The following IQCM variants were observed in gnomAD, a reference collection of about 807,000 sequenced individuals.
The protein encoded by IQCM is IQ motif containing M.
In IQCM, 45 loss-of-function variants were observed where a neutral mutation model predicts 57.6. The observed-to-expected ratio is 0.78, with a 90% confidence interval of 0.62 to 1.00. The LOEUF is 1.00. IQCM is among the 50% of genes least tolerant of loss of function. IQCM has a pLI of 0.00. For missense variants in IQCM, 468 were observed against 511.6 expected, an observed-to-expected ratio of 0.91 and a Z score of 0.82; for synonymous variants, 148 against 158.9, an observed-to-expected ratio of 0.93 and a Z score of 0.51.
At chr4:149,578,586 C>G (rs1751876959) in intron 9 of IQCM, among the ~76,000 whole-genome samples, 1 of 151,754 alleles carries the variant, frequency 6.6e-6, no homozygotes, top group Admixed American at 6.6e-5. Context: ...TGGAGAAGAG[C>G]TGACTCTACC....
At chr4:149,466,382 G>A (rs1177154393) in intron 12 of IQCM, among the ~76,000 whole-genome samples, 1 of 152,142 alleles carries the variant, frequency 6.6e-6, no homozygotes, top group African/African-American at 2.4e-5. Flanking sequence ...TCTGATAAGG[G>A]GAGATTCCTG....
rs182519448 is a variant in IQCM at position 149,546,126 on chromosome 4, T to C, written c.1228+2329A>G. ...GAATGATGGTTTCCAGCTTCAACCA[T>C]GTCCCTACAAAGGACATGAACTCAT... On this transcript the variant is annotated intron_variant, in intron 12 of 13. Transcript: ENST00000636793. 4.6e-5 allele frequency among the ~76,000 whole-genome samples: 7 copies of C among 152,310 alleles called. No homozygotes were observed. The East Asian group carries it at 1.3e-3, about 29-fold the overall frequency.
chr4:149,556,458 T>C (rs1243194576), intron 10 of IQCM, among the ~76,000 whole-genome samples: 1 of 152,168 alleles, frequency 6.6e-6, no homozygotes, highest in Non-Finnish European at 1.5e-5. Context: ...TTTCAGCAAT[T>C]ATTTTGCCAG....
chr4:149,623,718 G>GGTGTGTGT (rs3057342), intron 7 of IQCM, among the ~76,000 whole-genome samples: 189 of 146,064 alleles, frequency 1.3e-3, no homozygotes, highest in African/African-American at 4.1e-3. Flanking sequence ...CTGAATCCCA[G>GGTGTGTGT]GTGTGTGTGT....
chr4:149,784,158 C>T (rs2150015357), intron 2 of IQCM, among the ~76,000 whole-genome samples: 1 of 152,246 alleles, frequency 6.6e-6, no homozygotes, highest in East Asian at 1.9e-4. Context: ...AATGGCTTTC[C>T]GTCTTACTCA....
At chr4:149,526,460 TATC>T (rs1452537713) in intron 12 of IQCM, among the ~76,000 whole-genome samples, 3 of 152,008 alleles carry the variant, frequency 2.0e-5, no homozygotes, top group Non-Finnish European at 2.9e-5. Context: ...ATATTATTTA[TATC>T]ATCAAAAAAG....
At chr4:149,527,105 T>C (rs904187348) in intron 12 of IQCM, among the ~76,000 whole-genome samples, 3 of 152,188 alleles carry the variant, frequency 2.0e-5, no homozygotes, top group African/African-American at 7.2e-5. Flanking sequence ...CAACTTGCTA[T>C]AAAAATATCA....
At chr4:149,756,410 A>T (rs1768967438) in intron 2 of IQCM, among the ~76,000 whole-genome samples, 1 of 152,220 alleles carries the variant, frequency 6.6e-6, no homozygotes, top group South Asian at 2.1e-4. Flanking sequence ...AAAATTCTAA[A>T]TCAATCTAAA....
chr4:149,741,232 T>G (rs17026405), intron 3 of IQCM, among the ~76,000 whole-genome samples: 1 of 152,130 alleles, frequency 6.6e-6, no homozygotes. Context: ...CTTACTGACT[T>G]ACTTTCCCCC....
At chr4:149,737,624 G>T (rs1767063781) in intron 3 of IQCM, 2 of 152,180 alleles carry the variant, frequency 1.3e-5, no homozygotes, top group East Asian at 3.9e-4. Flanking sequence ...TTAGGGTAAT[G>T]AGGTCCTGAG....
intron 12 of IQCM, among the ~76,000 whole-genome samples, chr4:149,487,544 TA>T (rs1403847687): frequency 6.6e-6 from 1 of 152,090 alleles, no homozygotes; most frequent in Non-Finnish European, 1.5e-5. Flanking sequence ...ATTTTAAGTT[TA>T]CCTAGGACCC....
chr4:149,583,048 T>C lies in IQCM; in HGVS notation c.749+4882A>G, dbSNP rs187153429. On this transcript the variant is annotated intron_variant, in intron 9 of 13. Transcript: ENST00000636793. ...CTTAGATATGTAAGTTGATGTACCATATGCCACTATATCAAAAAAGAAAAT... is the reference window on the plus strand; with the variant it reads ...CTTAGATATGTAAGTTGATGTACCACATGCCACTATATCAAAAAAGAAAAT... Among the ~76,000 whole-genome samples, 242 of 151,764 alleles carry C rather than the reference T, an allele frequency of 1.6e-3. 2 individuals carry two copies. Among genetic ancestry groups the C allele is most frequent in the African/African-American group, 5.4e-3 (225 of 41,522 alleles).
rs1395068571 is a variant in IQCM, at chr4:149,634,303, A to T, written c.566-13059T>A. 2.0e-5 allele frequency among the ~76,000 whole-genome samples: 3 copies of T among 152,232 alleles called. No individual in the cohort carries two copies. In the East Asian group the frequency reaches 5.8e-4, roughly 29 times the overall value. ...TTTTTCTTTTCAGTATTTAGAAAAC[A>T]TACCTTGCAATCACTTCACTGATCC... On this transcript the variant is annotated intron_variant, in intron 7 of 13. Transcript: ENST00000636793.
chr4:149,642,795 AC>A (rs1213235073), intron 7 of IQCM, among the ~76,000 whole-genome samples: 1 of 152,204 alleles, frequency 6.6e-6, no homozygotes, highest in African/African-American at 2.4e-5. Flanking sequence ...ATTTAGGGAC[AC>A]AAACAAGTCT....
At chr4:149,620,119 T>C (rs959310456) in intron 8 of IQCM, among the ~76,000 whole-genome samples, 1 of 151,618 alleles carries the variant, frequency 6.6e-6, no homozygotes, top group African/African-American at 2.4e-5. Flanking sequence ...ATCACACCAT[T>C]ACACTCTAGC....
chr4:149,585,889 A>C (rs1375330418), intron 9 of IQCM, among the ~76,000 whole-genome samples: 1 of 151,680 alleles, frequency 6.6e-6, no homozygotes, highest in Non-Finnish European at 1.5e-5. Flanking sequence ...AGTGATGTCT[A>C]AAATTCCTTC....
intron 13 of IQCM, among the ~76,000 whole-genome samples, chr4:149,384,004 A>C (rs1578871712): frequency 6.6e-6 from 1 of 152,256 alleles, no homozygotes; most frequent in Non-Finnish European, 1.5e-5. Flanking sequence ...TGTTCTTATA[A>C]AATTACAGTT....
chr4:149,462,001 A>T (rs1738348974), intron 12 of IQCM, among the ~76,000 whole-genome samples: 1 of 152,142 alleles, frequency 6.6e-6, no homozygotes, highest in African/African-American at 2.4e-5. Context: ...ATCCTATAAA[A>T]ATCAGGTGCT....
rs552694606 is a variant in IQCM at position 149,764,843 on chromosome 4, T to C, written c.-48-22104A>G. On this transcript the variant is annotated intron_variant, in intron 2 of 13. Coordinates refer to ENST00000636793, the MANE Select transcript of IQCM (RefSeq NM_001363507.2). ...CTCTGGTCAGGTATGGTATGGGTTA[T>C]TGAACAAAAATGATTTACTAAGGTT... Among the ~76,000 whole-genome samples the C allele has an allele frequency of 5.3e-5, 8 of 152,196 alleles. 1 individual carries two copies. In the South Asian group the frequency reaches 1.0e-3, roughly 20 times the overall value.
Sources: allele counts gnomAD v4.1 joint callset (sites outside exome capture counted in the v4.1 genomes callset), GRCh38; gene constraint gnomAD v4.1.1; transcripts MANE v1.5; gene names NCBI Gene and HGNC (gene_info 2026-07-23, HGNC 2026-07-21).